AUTS2: variants seen among roughly 807,000 people sequenced by gnomAD.
AUTS2 encodes autism susceptibility gene 2 protein.
Under a neutral mutation model 112.4 loss-of-function variants are expected in AUTS2, and 17 were observed. The observed-to-expected ratio is 0.15, with a 90% confidence interval of 0.10 to 0.23. The LOEUF (loss-of-function observed/expected upper bound fraction) is 0.23, where lower values mean the gene tolerates loss of function less well. Ranked by LOEUF, AUTS2 falls within the 10% of genes least tolerant of loss-of-function variation. AUTS2 has a pLI of 1.00. For synonymous variants in AUTS2, 751 were observed against 702.7 expected (o/e 1.07, Z -1.09); for missense variants, 1,510 against 1,701.6 (o/e 0.89, Z 1.98).
intron 4 of AUTS2, among the ~76,000 whole-genome samples, chr7:70,430,278 A>G (rs1795600842): frequency 6.6e-6 from 1 of 152,136 alleles, no homozygotes; most frequent in African/African-American, 2.4e-5. Flanking sequence ...AGGTGAGCAA[A>G]GATGTTGAGT....
At chr7:69,701,531 C>T (rs1393995207) in intron 1 of AUTS2, among the ~76,000 whole-genome samples, 1 of 152,088 alleles carries the variant, frequency 6.6e-6, no homozygotes, top group Non-Finnish European at 1.5e-5. Flanking sequence ...CCCCAGTATA[C>T]TTTGAGAATA....
chr7:70,528,351 A>G (rs1251843991), intron 5 of AUTS2, among the ~76,000 whole-genome samples: 1 of 152,088 alleles, frequency 6.6e-6, no homozygotes, highest in African/African-American at 2.4e-5. Context: ...AGGGTTGCAG[A>G]GCACGCTGAG....
At chr7:70,708,917 CT>C (rs34290500) in intron 6 of AUTS2, among the ~76,000 whole-genome samples, 14,891 of 134,498 alleles carry the variant, frequency 0.11, 536 homozygotes, top group African/African-American at 0.16. Flanking sequence ...TGTTTAAATA[CT>C]TTTTTTTTTT....
chr7:70,062,826 A>G (rs1802315989), intron 2 of AUTS2, among the ~76,000 whole-genome samples: 1 of 152,248 alleles, frequency 6.6e-6, no homozygotes, highest in South Asian at 2.1e-4. Flanking sequence ...AAACCTGGGT[A>G]GAATTTGGAA....
At chr7:70,591,658 G>A (rs1418622986) in intron 5 of AUTS2, among the ~76,000 whole-genome samples, 6 of 152,166 alleles carry the variant, frequency 3.9e-5, no homozygotes, top group East Asian at 3.9e-4. Flanking sequence ...CTCAGCCTCC[G>A]AAAGTGCTGG....
intron 4 of AUTS2, among the ~76,000 whole-genome samples, chr7:70,434,150 T>A (rs939505274): frequency 9.9e-5 from 15 of 152,234 alleles, no homozygotes; most frequent in African/African-American, 3.4e-4. Context: ...CTTTGTTTAC[T>A]GGGGAGACAA....
intron 1 of AUTS2, among the ~76,000 whole-genome samples, chr7:69,845,571 G>A (rs923815698): frequency 1.3e-5 from 2 of 152,158 alleles, no homozygotes; most frequent in African/African-American, 4.8e-5. Flanking sequence ...AAGTGACTAC[G>A]ATTACATGAA....
chr7:69,983,912 A>G (rs1239416418), intron 2 of AUTS2, among the ~76,000 whole-genome samples: 1 of 152,234 alleles, frequency 6.6e-6, no homozygotes, highest in Admixed American at 6.5e-5. Flanking sequence ...ATAAAATACT[A>G]TGATTCACAT....
chr7:69,904,075 A>C (rs1402843051), intron 2 of AUTS2, among the ~76,000 whole-genome samples: 1 of 152,200 alleles, frequency 6.6e-6, no homozygotes, highest in Non-Finnish European at 1.5e-5. Flanking sequence ...GCATGGTTGC[A>C]TCTGCTTCAT....
At chr7:69,798,807 A>G (rs1013738701) in intron 1 of AUTS2, among the ~76,000 whole-genome samples, 2 of 152,114 alleles carry the variant, frequency 1.3e-5, no homozygotes, top group Non-Finnish European at 2.9e-5. Flanking sequence ...CCTGGACAAC[A>G]TAGTGGGATC....
intron 1 of AUTS2, among the ~76,000 whole-genome samples, chr7:69,841,774 T>A (rs1344795501): frequency 6.6e-6 from 1 of 152,206 alleles, no homozygotes; most frequent in East Asian, 1.9e-4. Context: ...CTGTAAAAGA[T>A]GTTTGAGGCA....
At chr7:69,617,407 C>G (rs1793439624) in intron 1 of AUTS2, among the ~76,000 whole-genome samples, 1 of 152,086 alleles carries the variant, frequency 6.6e-6, no homozygotes. Flanking sequence ...GCAAGAAATA[C>G]AGATAACCCG....
In AUTS2 at chr7:69,953,160, A is replaced by G. The variant is rs141078888; in HGVS notation, c.522+53662A>G. On this transcript the variant is annotated intron_variant, in intron 2 of 18. Transcript: ENST00000342771. ...TGTTAAGAGATCTTGTCCTAAAAGGATGGCACTTAGTGTTGGAACTGGAGA... is the reference window on the plus strand; with the variant it reads ...TGTTAAGAGATCTTGTCCTAAAAGGGTGGCACTTAGTGTTGGAACTGGAGA... 1.6e-4 allele frequency among the ~76,000 whole-genome samples: 24 copies of G among 152,296 alleles called. No individual in the cohort carries two copies. The East Asian group carries it at 4.1e-3, about 26-fold the overall frequency.
chr7:70,544,037 C>T (rs1432660649), intron 5 of AUTS2, among the ~76,000 whole-genome samples: 1 of 152,176 alleles, frequency 6.6e-6, no homozygotes, highest in Non-Finnish European at 1.5e-5. Context: ...CCCCAGTAAG[C>T]AGGCATCTTC....
intron 1 of AUTS2, among the ~76,000 whole-genome samples, chr7:69,678,871 G>A (rs1226409089): frequency 4.6e-5 from 7 of 152,232 alleles, no homozygotes; most frequent in Non-Finnish European, 8.8e-5. Flanking sequence ...TGGCTTAGAA[G>A]AGAGATGCTG....
chr7:69,993,565 T>G (rs1370246082), intron 2 of AUTS2, among the ~76,000 whole-genome samples: 1 of 152,090 alleles, frequency 6.6e-6, no homozygotes, highest in Non-Finnish European at 1.5e-5. Flanking sequence ...GGCAACACAG[T>G]AAGACCTTTT....
chr7:70,566,181 T>C (rs924574390), intron 5 of AUTS2, among the ~76,000 whole-genome samples: 12 of 152,334 alleles, frequency 7.9e-5, no homozygotes, highest in African/African-American at 2.4e-4. Flanking sequence ...AAATTTGCCT[T>C]TGGCCAATTG....
At chr7:69,698,826 C>G (rs1046651230) in intron 1 of AUTS2, among the ~76,000 whole-genome samples, 1 of 151,952 alleles carries the variant, frequency 6.6e-6, no homozygotes, top group Non-Finnish European at 1.5e-5. Context: ...CTGCTGAGTT[C>G]TTGACTATCT....
At chr7:70,003,138 TTA>T (rs1799276210) in intron 2 of AUTS2, among the ~76,000 whole-genome samples, 1 of 142,306 alleles carries the variant, frequency 7.0e-6, no homozygotes. Flanking sequence ...TATGAATATA[TTA>T]TATATGACTA....
Sources: gnomAD v4.1 joint callset for allele counts (sites outside exome capture counted in the v4.1 genomes callset) on GRCh38, gnomAD v4.1.1 for gene constraint, MANE v1.5 for transcripts, NCBI Gene and HGNC (gene_info 2026-07-23, HGNC 2026-07-21) for gene names.